NCMAP: variants seen among roughly 807,000 people sequenced by gnomAD.
The protein encoded by NCMAP is noncompact myelin-associated protein.
Under a neutral mutation model 7.8 loss-of-function variants are expected in NCMAP, and 8 were observed. That is an observed-to-expected ratio of 1.02 (90% CI 0.60 to 1.84). The LOEUF is 1.84. Among genes scored for constraint, NCMAP ranks in the 40% most tolerant of loss-of-function variants. The pLI is 0.00. For synonymous variants in NCMAP, 41 were observed against 52.9 expected (o/e 0.78, Z 0.98); for missense variants, 112 against 131.4 (o/e 0.85, Z 0.72).
In NCMAP at chr1:24,591,005, A is replaced by G. The variant is rs138364589; in HGVS notation, c.-7-4419A>G. ...GAGCAAATGAAGCTGGGAGAAATTC[A>G]GTTACTCATTCCAGCCCTTGCACGG... is the stretch of plus-strand genomic sequence containing the variant. On this transcript the variant is annotated intron_variant, in intron 1 of 3. Coordinates refer to ENST00000374392, the MANE Select transcript of NCMAP (RefSeq NM_001010980.5). Among the ~76,000 whole-genome samples, 757 of 152,358 alleles carry G rather than the reference A, an allele frequency of 5.0e-3. 11 individuals are homozygous for G. Among genetic ancestry groups the G allele is most frequent in the African/African-American group, 0.017 (726 of 41,570 alleles).
At chr1:24,563,535 A>AAC (rs1491267366) in intron 1 of NCMAP, 1 of 17,598 alleles carries the variant, frequency 5.7e-5, no homozygotes, top group Non-Finnish European at 9.6e-5. Context: ...AAACAACAAC[A>AAC]AAAAAAAAAA....
chr1:24,586,490 C>T (rs780896598), intron 1 of NCMAP, among the ~76,000 whole-genome samples: 7 of 152,128 alleles, frequency 4.6e-5, no homozygotes, highest in East Asian at 1.9e-4. Context: ...CGGCTGGGCA[C>T]GGTGGCTCAC....
At chr1:24,596,399 A>C (rs1203951700) in intron 2 of NCMAP, among the ~76,000 whole-genome samples, 1 of 152,102 alleles carries the variant, frequency 6.6e-6, no homozygotes, top group Non-Finnish European at 1.5e-5. Context: ...AAATGTAGCT[A>C]CTGCTGGGCA....
chr1:24,597,644 AAAG>A (rs1652293129), intron 2 of NCMAP, among the ~76,000 whole-genome samples: 7 of 133,062 alleles, frequency 5.3e-5, no homozygotes, highest in African/African-American at 2.1e-4. Flanking sequence ...AGAAAGAAAG[AAAG>A]AAAGAAAGAA....
intron 1 of NCMAP, among the ~76,000 whole-genome samples, chr1:24,571,503 C>T (rs1163152670): frequency 1.3e-5 from 2 of 150,298 alleles, no homozygotes; most frequent in Admixed American, 1.3e-4. Context: ...AAGAAACAGG[C>T]TAAATTTTGA....
intron 1 of NCMAP, chr1:24,563,994 A>G (rs1188974244): frequency 6.6e-6 from 1 of 152,244 alleles, no homozygotes; most frequent in African/African-American, 2.4e-5. Flanking sequence ...TACATCTTTC[A>G]TTAAAAAACT....
At chr1:24,560,616 C>T (rs550499612) in intron 1 of NCMAP, among the ~76,000 whole-genome samples, 1 of 152,216 alleles carries the variant, frequency 6.6e-6, no homozygotes, top group Admixed American at 6.5e-5. Context: ...TGGTGTTGTG[C>T]ACCTGTGGTC....
At chr1:24,573,950 G>GCCAAAAAAAA (rs1651465700) in intron 1 of NCMAP, among the ~76,000 whole-genome samples, 1 of 22,332 alleles carries the variant, frequency 4.5e-5, no homozygotes. Context: ...ACCCAGAGAG[G>GCCAAAAAAAA]ACAAAAAAAA....
chr1:24,605,726 C>A lies in NCMAP; in HGVS notation c.288C>A (p.Asp96Glu), dbSNP rs149022711. 11 of 1,614,078 alleles carry A rather than the reference C, an allele frequency of 6.8e-6. No individual in the cohort carries two copies. The highest frequency in any genetic ancestry group is 4.0e-5 in the African/African-American group (3 of 74,930). ...CAACTGTGACCTTCAGTCCTGTTGA[C>A]GTCCAGGTGGAGACGCGATGACCTC... is the stretch of plus-strand genomic sequence containing the variant. ...HPATVTFSPV[D>E]VQVETR The change falls in exon 4 of 4, where the codon GAC becomes GAA. Residue 96 changes from aspartate to glutamate, a missense_variant. Transcript: ENST00000374392.
chr1:24,580,244 G>T (rs1174993018), intron 1 of NCMAP, among the ~76,000 whole-genome samples: 2 of 152,192 alleles, frequency 1.3e-5, no homozygotes, highest in Non-Finnish European at 2.9e-5. Context: ...ATTCTTAATT[G>T]TATTTAAGTG....
At chr1:24,584,830 T>C (rs1651832612) in intron 1 of NCMAP, among the ~76,000 whole-genome samples, 1 of 152,044 alleles carries the variant, frequency 6.6e-6, no homozygotes, top group Non-Finnish European at 1.5e-5. Context: ...TTTATTTATG[T>C]ATTGTTCTTT....
In NCMAP at chr1:24,564,892, G is replaced by T. The variant is rs559851833; in HGVS notation, c.-8+8723G>T. ...GATGTCACTAGTAATTTAAAAAAAA[G>T]AACTCTTTCAATCCAGAATTTTAAA... On this transcript the variant is annotated intron_variant, in intron 1 of 3. Transcript: ENST00000374392. 9.9e-5 allele frequency among the ~76,000 whole-genome samples: 15 copies of T among 152,150 alleles called. No individual in the cohort carries two copies. The South Asian group carries it at 2.9e-3, about 29-fold the overall frequency.
Position 24,606,758 on chromosome 1 carries a change from T to A in NCMAP, c.*1011T>A, listed in dbSNP as rs1652745333. The A allele has an allele frequency of 6.6e-6, 1 of 152,154 alleles. No homozygotes were observed. The allele number at this position is 152,154 out of a possible 1,614,324, so 9.4% of individuals were successfully genotyped here. On this transcript the variant is annotated 3_prime_UTR_variant, in exon 4 of 4. Transcript: ENST00000374392. ...AACAATCTACCAAGAAGAGAAAGTA[T>A]CTGGAATTAAGAAGTCCTACCATCC... is the stretch of plus-strand genomic sequence containing the variant.
rs1287146532 is a variant in NCMAP at position 24,606,471 on chromosome 1, G to C, written c.*724G>C. ...TGGAATGATCCTGGTGGCTGATCAG[G>C]GTCCTTCTCCCACTCTGGGCTGTAT... On this transcript the variant is annotated 3_prime_UTR_variant, in exon 4 of 4. Transcript: ENST00000374392. 6.6e-6 allele frequency: 1 copy of C among 152,522 alleles called. No homozygotes were observed. Among genetic ancestry groups the C allele is most frequent in the East Asian group, 1.9e-4 (1 of 5,206 alleles). The allele number at this position is 152,522 out of a possible 1,614,324, so 9.4% of individuals were successfully genotyped here. A position where few individuals can be genotyped will look rare whatever the true frequency, so the allele number is the denominator to read the frequency against.
In NCMAP at chr1:24,595,571, T is replaced by C; in HGVS notation, c.82+59T>C. The stretch of plus-strand genomic sequence containing the variant: ...GATGGCAGGACCAGTGTCATGGTCA[T>C]AGTGCAGAGGTTAAGAGTGTGGGCT... On this transcript the variant is annotated intron_variant, in intron 2 of 3. Transcript: ENST00000374392. The C allele has an allele frequency of 2.9e-6, 4 of 1,372,192 alleles. No homozygotes were observed. In the South Asian group the frequency reaches 4.7e-5, roughly 16 times the overall value. 85.0% of individuals were successfully genotyped at this position (1,372,192 alleles called of 1,614,324 possible).
chr1:24,591,150 G>T (rs575356243), intron 1 of NCMAP, among the ~76,000 whole-genome samples: 1 of 152,334 alleles, frequency 6.6e-6, no homozygotes, highest in African/African-American at 2.4e-5. Flanking sequence ...GGCAGACAAA[G>T]CAGTGGACAC....
intron 1 of NCMAP, among the ~76,000 whole-genome samples, chr1:24,581,009 A>G (rs902287822): frequency 2.7e-5 from 4 of 150,892 alleles, no homozygotes; most frequent in African/African-American, 9.8e-5. Flanking sequence ...TTGAGAGTTG[A>G]CGCCTCTTGA....
chr1:24,574,936 C>T (rs905210586), intron 1 of NCMAP, among the ~76,000 whole-genome samples: 6 of 144,742 alleles, frequency 4.1e-5, no homozygotes, highest in Non-Finnish European at 6.0e-5. Flanking sequence ...GCTGGGATTA[C>T]AGGCACCACC....
At chr1:24,570,486 T>A (rs1292942559) in intron 1 of NCMAP, among the ~76,000 whole-genome samples, 2 of 150,572 alleles carry the variant, frequency 1.3e-5, no homozygotes, top group Non-Finnish European at 2.9e-5. Flanking sequence ...CAGAGCAAGA[T>A]CTCACTCAAA....
Sources: gnomAD v4.1 joint callset for allele counts (sites outside exome capture counted in the v4.1 genomes callset) on GRCh38, gnomAD v4.1.1 for gene constraint, MANE v1.5 for transcripts, NCBI Gene and HGNC (gene_info 2026-07-23, HGNC 2026-07-21) for gene names.